Variants in RMDN2 observed in about 807,000 individuals in gnomAD.
The protein encoded by RMDN2 is regulator of microtubule dynamics 2, also known as regulator of microtubule dynamics protein 2.
RMDN2 carries 61 observed loss-of-function variants against 52.8 expected under a neutral mutation model. The observed-to-expected ratio is 1.16, with a 90% CI of 0.94 to 1.43. RMDN2 has a LOEUF of 1.43. Ranked by LOEUF, RMDN2 falls within the 40% of genes most tolerant of loss-of-function variation. RMDN2 has a pLI of 0.00. For synonymous variants in RMDN2, 180 were observed against 153.1 expected (o/e 1.18, Z -1.30); for missense variants, 592 against 475.3 (o/e 1.25, Z -2.28).
intron 10 of RMDN2, among the ~76,000 whole-genome samples, chr2:38,062,797 G>T (rs1460714407): frequency 4.7e-5 from 6 of 128,844 alleles, no homozygotes; most frequent in Non-Finnish European, 9.3e-5. Flanking sequence ...TCCCCAGTGT[G>T]TGATGTTCCC....
chr2:37,951,001 G>A (rs1668707300), intron 2 of RMDN2, among the ~76,000 whole-genome samples: 2 of 152,032 alleles, frequency 1.3e-5, no homozygotes, highest in South Asian at 4.1e-4. Flanking sequence ...GAGTGGGTAG[G>A]TACTGTGTAG....
intron 8 of RMDN2, among the ~76,000 whole-genome samples, chr2:38,003,495 G>A (rs1676588164): frequency 6.6e-6 from 1 of 152,084 alleles, no homozygotes; most frequent in Non-Finnish European, 1.5e-5. Context: ...GGAGGTTGCA[G>A]TGAGCTGAGA....
chr2:37,977,285 C>T (rs1459774692), intron 4 of RMDN2, among the ~76,000 whole-genome samples: 1 of 152,252 alleles, frequency 6.6e-6, no homozygotes, highest in Non-Finnish European at 1.5e-5. Flanking sequence ...TTCTTTTCCC[C>T]ACATTTCCCC....
chr2:37,997,458 CTGTT>C lies in RMDN2; in HGVS notation c.991_994del (p.Phe331GlufsTer33), dbSNP rs1205465134. On this transcript the variant is annotated frameshift_variant, in exon 8 of 11. Coordinates refer to ENST00000354545, the MANE Select transcript of RMDN2 (RefSeq NM_001170791.3). LOFTEE classifies it high-confidence loss of function. ...GATTGAGAAAAAAATGGCTGCTACT[CTGTT>C]TGGAAAAATACCATCTTCAACTGTA... The C allele has an allele frequency of 1.9e-6, 3 of 1,613,916 alleles. No homozygotes were observed. Among genetic ancestry groups the C allele is most frequent in the Admixed American group, 1.7e-5 (1 of 60,020 alleles).
chr2:37,955,135 T>C (rs1316808262), intron 2 of RMDN2, among the ~76,000 whole-genome samples: 1 of 152,144 alleles, frequency 6.6e-6, no homozygotes, highest in Non-Finnish European at 1.5e-5. Flanking sequence ...TTGTGTTGTC[T>C]GTGATCAGAG....
At chr2:38,031,973 A>G (rs1680241672) in intron 10 of RMDN2, among the ~76,000 whole-genome samples, 1 of 152,198 alleles carries the variant, frequency 6.6e-6, no homozygotes, top group Non-Finnish European at 1.5e-5. Flanking sequence ...GCCGCTGCCT[A>G]TCACTCAGCC....
chr2:37,962,797 A>G (rs938299543), intron 2 of RMDN2, among the ~76,000 whole-genome samples: 1 of 152,118 alleles, frequency 6.6e-6, no homozygotes, highest in East Asian at 1.9e-4. Flanking sequence ...ACGGCTGCCC[A>G]GTTTTGTGCT....
chr2:37,954,999 C>G (rs992728908), intron 2 of RMDN2, among the ~76,000 whole-genome samples: 1 of 152,026 alleles, frequency 6.6e-6, no homozygotes, highest in Non-Finnish European at 1.5e-5. Context: ...CCAGATAGCT[C>G]ATTGTTAATG....
chr2:37,972,739 A>G (rs567302134), intron 2 of RMDN2, among the ~76,000 whole-genome samples: 7 of 152,304 alleles, frequency 4.6e-5, no homozygotes, highest in Non-Finnish European at 1.0e-4. Context: ...GGTGGGGAGA[A>G]GTGGCTAGAT....
chr2:37,948,784 G>A (rs1234886922), intron 2 of RMDN2, among the ~76,000 whole-genome samples: 3 of 152,082 alleles, frequency 2.0e-5, no homozygotes, highest in African/African-American at 4.8e-5. Context: ...CCTAAACACC[G>A]TTTTTTGTGT....
chr2:37,964,222 G>A (rs933226214), intron 2 of RMDN2, among the ~76,000 whole-genome samples: 21 of 152,066 alleles, frequency 1.4e-4, no homozygotes, highest in Admixed American at 2.0e-4. Flanking sequence ...CTCAGACAGG[G>A]CGGCTGCCGG....
In RMDN2 at chr2:38,062,521, C is replaced by G. The variant is rs151142008; in HGVS notation, c.1714-4461C>G. ...CAGTATGAAGTCATGATGAATGCAG[C>G]TGCTGTAAACATTCATGTATAGCTT... On this transcript the variant is annotated intron_variant, in intron 10 of 10. Transcript: ENST00000234195. Among the ~76,000 whole-genome samples the G allele has an allele frequency of 6.1e-3, 928 of 152,244 alleles. 7 individuals carry two copies. The highest frequency in any genetic ancestry group is 8.7e-3 in the Non-Finnish European group (590 of 68,030).
chr2:37,970,323 G>A (rs1202488073), intron 2 of RMDN2, among the ~76,000 whole-genome samples: 3 of 152,112 alleles, frequency 2.0e-5, no homozygotes, highest in African/African-American at 7.2e-5. Flanking sequence ...GATCAGATAG[G>A]TCTCATCTGT....
At chr2:37,987,503 A>G (rs1674185041) in intron 5 of RMDN2, among the ~76,000 whole-genome samples, 1 of 152,206 alleles carries the variant, frequency 6.6e-6, no homozygotes, top group African/African-American at 2.4e-5. Context: ...CTATGGAGAC[A>G]GTAAAAGGAT....
At chr2:38,061,197 GA>G (rs1682032489) in intron 10 of RMDN2, among the ~76,000 whole-genome samples, 1 of 152,042 alleles carries the variant, frequency 6.6e-6, no homozygotes, top group African/African-American at 2.4e-5. Flanking sequence ...GGGCATTAAG[GA>G]CAAGTGTCCT....
intron 10 of RMDN2, among the ~76,000 whole-genome samples, chr2:38,052,164 A>G (rs1681641844): frequency 6.6e-6 from 1 of 152,150 alleles, no homozygotes; most frequent in South Asian, 2.1e-4. Flanking sequence ...TTCTCTCTAC[A>G]TCCTCCCCAG....
At chr2:37,940,308 C>G (rs968625594) in intron 2 of RMDN2, among the ~76,000 whole-genome samples, 74 of 152,144 alleles carry the variant, frequency 4.9e-4, no homozygotes, top group African/African-American at 1.8e-3. Flanking sequence ...TCTGGCTGTC[C>G]TTAATATTTT....
At chr2:38,019,098 G>A (rs772525517), downstream of RMDN2, among the ~76,000 whole-genome samples, 22 of 152,172 alleles carry the variant, frequency 1.4e-4, no homozygotes, top group African/African-American at 4.6e-4. Context: ...AGGTTCTCTC[G>A]TGGATATGCT....
In RMDN2 at chr2:37,930,608, A is replaced by G. The variant is rs1666652714; in HGVS notation, c.452+879A>G. On this transcript the variant is annotated intron_variant, in intron 2 of 10. Transcript: ENST00000354545. ...AGGGACATGGCTTCTCAGGGAGACC[A>G]AAGACTTACTTTCTTGCAGGAAGCA... is the stretch of plus-strand genomic sequence containing the variant. 1.3e-5 allele frequency among the ~76,000 whole-genome samples: 2 copies of G among 152,198 alleles called. 1 individual carries two copies. Among genetic ancestry groups the G allele is most frequent in the East Asian group, 3.9e-4 (2 of 5,192 alleles).
Sources: allele counts gnomAD v4.1 joint callset (sites outside exome capture counted in the v4.1 genomes callset), GRCh38; gene constraint gnomAD v4.1.1; transcripts MANE v1.5; gene names NCBI Gene and HGNC (gene_info 2026-07-23, HGNC 2026-07-21).